Variants in LARP4B observed in about 807,000 individuals in gnomAD.
LARP4B encodes the protein La ribonucleoprotein 4B.
LARP4B carries 12 observed loss-of-function variants against 89.8 expected under a neutral mutation model. That is an observed-to-expected ratio of 0.13 (90% CI 0.09 to 0.22). The LOEUF (loss-of-function observed/expected upper bound fraction) is 0.22, where lower values mean the gene tolerates loss of function less well. Among genes scored for constraint, LARP4B ranks in the 10% least tolerant of loss-of-function variants. LARP4B has a pLI of 1.00. For synonymous variants in LARP4B, 367 were observed against 363.3 expected (o/e 1.01, Z -0.12); for missense variants, 757 against 947.7 (o/e 0.80, Z 2.64).
intron 1 of LARP4B, among the ~76,000 whole-genome samples, chr10:919,898 T>C (rs1176248029): frequency 6.6e-6 from 1 of 152,244 alleles, no homozygotes; most frequent in Non-Finnish European, 1.5e-5. Context: ...GATTACACGA[T>C]ACAAACCGGA....
At chr10:958,486 C>T in the LARP4B span, among the ~76,000 whole-genome samples, 1 of 152,218 alleles carries the variant, frequency 6.6e-6, no homozygotes, top group African/African-American at 2.4e-5. Context: ...CTCTTGATGG[C>T]TGCCAAGAAA....
chr10:971,022 G>C, the LARP4B span: 1 of 152,192 alleles, frequency 6.6e-6, no homozygotes, highest in Admixed American at 6.5e-5. Context: ...TAGTGCACAC[G>C]GGCACACTGA....
intron 1 of LARP4B, among the ~76,000 whole-genome samples, chr10:892,149 G>A (rs1163736711): frequency 1.3e-5 from 2 of 152,224 alleles, no homozygotes; most frequent in Admixed American, 1.3e-4. Context: ...CTCCGCACTC[G>A]CCAGTGCCTT....
At chr10:841,633 A>G (rs1377157006) in intron 7 of LARP4B, among the ~76,000 whole-genome samples, 2 of 152,206 alleles carry the variant, frequency 1.3e-5, no homozygotes, top group Non-Finnish European at 2.9e-5. Context: ...AATCATAACC[A>G]AAAAGACTTC....
intron 7 of LARP4B, among the ~76,000 whole-genome samples, chr10:838,208 A>G (rs1833331536): frequency 6.6e-6 from 1 of 152,194 alleles, no homozygotes; most frequent in Non-Finnish European, 1.5e-5. Context: ...ATAGGAGAAA[A>G]TCTAGAAGGC....
the LARP4B span, among the ~76,000 whole-genome samples, chr10:969,986 C>T: frequency 6.6e-6 from 1 of 152,144 alleles, no homozygotes; most frequent in Non-Finnish European, 1.5e-5. Context: ...CGGACTGACG[C>T]CTGCAGGAGG....
At chr10:847,436 C>CCTTT (rs2131753105) in intron 5 of LARP4B, among the ~76,000 whole-genome samples, 1 of 151,990 alleles carries the variant, frequency 6.6e-6, no homozygotes, top group Non-Finnish European at 1.5e-5. Flanking sequence ...ACCAAGAAAC[C>CCTTT]AAATAAGACA....
intron 3 of LARP4B, among the ~76,000 whole-genome samples, chr10:877,717 C>T (rs1588955214): frequency 6.6e-6 from 1 of 152,120 alleles, no homozygotes; most frequent in Non-Finnish European, 1.5e-5. Context: ...ACAGTAAGAG[C>T]CATGAGAGTC....
chr10:849,004 C>T (rs183699448), intron 5 of LARP4B, among the ~76,000 whole-genome samples: 2 of 152,070 alleles, frequency 1.3e-5, no homozygotes, highest in East Asian at 1.9e-4. Flanking sequence ...CCAAAGCATC[C>T]GGGCCACGAG....
At chr10:813,309 GTAAC>G (rs1248007170) in intron 17 of LARP4B, 96 bp from the exon 18 acceptor site, 13 of 1,253,770 alleles carry the variant, frequency 1.0e-5, no homozygotes, top group Middle Eastern at 2.0e-4. Context: ...GTTTTCAACT[GTAAC>G]TAAGTTTCCA....
chr10:965,558 T>C, the LARP4B span, among the ~76,000 whole-genome samples: 1 of 152,024 alleles, frequency 6.6e-6, no homozygotes, highest in African/African-American at 2.4e-5. Context: ...CAGATATTTG[T>C]ATATAAGCAG....
intron 5 of LARP4B, among the ~76,000 whole-genome samples, chr10:861,893 A>C (rs892414795): frequency 6.6e-6 from 1 of 152,184 alleles, no homozygotes; most frequent in African/African-American, 2.4e-5. Flanking sequence ...TCACTCCCTC[A>C]ATGTATAATG....
chr10:875,262 G>C (rs539774664), intron 3 of LARP4B, among the ~76,000 whole-genome samples: 1 of 152,202 alleles, frequency 6.6e-6, no homozygotes, highest in East Asian at 1.9e-4. Context: ...TAACCTCTTT[G>C]TCTCAGTTTT....
chr10:825,649 G>C (rs1588863169), intron 12 of LARP4B, 115 bp downstream of exon 12: 2 of 688,814 alleles, frequency 2.9e-6, no homozygotes, highest in South Asian at 1.9e-5. Context: ...GCAGCTGTGT[G>C]CTTCAGGTGG....
intron 5 of LARP4B, among the ~76,000 whole-genome samples, chr10:852,800 A>G (rs1451227799): frequency 1.3e-5 from 2 of 152,250 alleles, no homozygotes; most frequent in African/African-American, 4.8e-5. Context: ...GACTCAATAC[A>G]TAAAAATGAA....
chr10:863,532 G>T (rs1020896240), intron 5 of LARP4B, among the ~76,000 whole-genome samples: 2 of 151,998 alleles, frequency 1.3e-5, no homozygotes, highest in African/African-American at 4.8e-5. Context: ...CCCGGCCCAG[G>T]TTTCATCTTT....
At chr10:896,935 A>G (rs1231502028) in intron 1 of LARP4B, among the ~76,000 whole-genome samples, 1 of 152,034 alleles carries the variant, frequency 6.6e-6, no homozygotes, top group African/African-American at 2.4e-5. Context: ...ACAAACCCCA[A>G]ATTAAGCTAC....
At chr10:850,936 T>C (rs1034464570) in intron 5 of LARP4B, among the ~76,000 whole-genome samples, 2 of 152,018 alleles carry the variant, frequency 1.3e-5, no homozygotes, top group Admixed American at 6.5e-5. Flanking sequence ...ATGAAAACAA[T>C]GCATCTAAAT....
chr10:948,641 C>T, the LARP4B span, among the ~76,000 whole-genome samples: 1 of 152,272 alleles, frequency 6.6e-6, no homozygotes, highest in South Asian at 2.1e-4. Flanking sequence ...CTTCTGCTCC[C>T]TTTAAAGCCA....
Sources: allele counts gnomAD v4.1 joint callset (sites outside exome capture counted in the v4.1 genomes callset), GRCh38; gene constraint gnomAD v4.1.1; transcripts MANE v1.5; gene names NCBI Gene and HGNC (gene_info 2026-07-23, HGNC 2026-07-21).